Variants in CROCC observed in about 807,000 individuals in gnomAD.
CROCC encodes rootletin.
A neutral mutation model predicts 245.2 loss-of-function variants in CROCC; 180 were observed. The ratio of observed to expected loss-of-function variants is 0.73; its 90% CI spans 0.65 to 0.83. The LOEUF (loss-of-function observed/expected upper bound fraction) is 0.83. Ranked by LOEUF, CROCC falls within the 40% of genes least tolerant of loss-of-function variation. The pLI is 0.00. For missense variants in CROCC, 2,688 were observed against 2,779.4 expected, an observed-to-expected ratio of 0.97 and a Z score of 0.74; for synonymous variants, 1,205 against 1,241.6, an observed-to-expected ratio of 0.97 and a Z score of 0.62.
intron 20 of CROCC, among the ~76,000 whole-genome samples, chr1:16,952,855 C>T (rs1242116738): frequency 6.6e-6 from 1 of 152,224 alleles, no homozygotes; most frequent in Non-Finnish European, 1.5e-5. Context: ...TCCTTGTCAC[C>T]TTGGCTCGAG....
At chr1:16,955,219 C>G (rs2076229455) in intron 23 of CROCC, 93 bp from the exon 24 acceptor site, 1 of 1,246,254 alleles carries the variant, frequency 8.0e-7, no homozygotes. Flanking sequence ...AGGGATGGGG[C>G]AGGCTCCCTG....
intron 24 of CROCC, 101 bp from the exon 25 acceptor site, chr1:16,955,896 C>T (rs879495033): frequency 6.5e-5 from 91 of 1,405,120 alleles, no homozygotes; most frequent in Non-Finnish European, 8.7e-5. Context: ...CATGGGCAGG[C>T]AGTGCCTGAT....
At chr1:16,930,747 T>C (rs1365168746) in intron 7 of CROCC, among the ~76,000 whole-genome samples, 153 bp downstream of exon 7, 3 of 152,408 alleles carry the variant, frequency 2.0e-5, no homozygotes, top group Admixed American at 1.3e-4. Context: ...AGCTGGTCTT[T>C]ATCAGTGTGT....
intron 1 of CROCC, among the ~76,000 whole-genome samples, chr1:16,916,565 G>C (rs1557562528): frequency 6.6e-6 from 1 of 152,294 alleles, no homozygotes; most frequent in Non-Finnish European, 1.5e-5. Flanking sequence ...AGAGTGCAGT[G>C]ACACAACCAC....
upstream of CROCC, among the ~76,000 whole-genome samples, chr1:16,920,090 A>G (rs1239146810): frequency 8.0e-6 from 1 of 125,290 alleles, no homozygotes; most frequent in Non-Finnish European, 1.8e-5. Flanking sequence ...TTATTTATTT[A>G]TATTTTTGAG....
Position 16,971,644 on chromosome 1 carries a change from G to T in CROCC, c.5964G>T (p.Glu1988Asp). 16 of 1,489,096 alleles carry T rather than the reference G, an allele frequency of 1.1e-5. No homozygotes were observed. The highest frequency in any genetic ancestry group is 1.4e-5 in the Non-Finnish European group (16 of 1,118,788). The allele number at this position is 1,489,096 out of a possible 1,614,324, so 92.2% of individuals were successfully genotyped here. A position where few individuals can be genotyped will look rare whatever the true frequency, so the allele number is the denominator to read the frequency against. ...AHRQRVRGLE[E>D]QVSTLKGQLQ... ...GCCAGAGGGTGCGTGGGCTGGAGGA[G>T]CAGGTGTGCAGGCCCCCTTAGAAGG... The change falls in exon 36 of 37, where the codon GAG becomes GAT. Residue 1988 changes from glutamate to aspartate, a missense_variant. Transcript: ENST00000375541.
chr1:16,942,876 C>A (rs1264228335), intron 13 of CROCC, among the ~76,000 whole-genome samples: 25 of 152,240 alleles, frequency 1.6e-4, no homozygotes, highest in African/African-American at 6.0e-4. Context: ...GAGGCCAAGG[C>A]GGGTGGATCA....
At position 16,929,973 on chromosome 1, in the gene CROCC, A is replaced by G; in HGVS notation, c.479A>G (p.Gln160Arg). Residue 160 changes from glutamine to arginine, a missense_variant, in exon 4 of 37, where the codon CAG becomes CGG. Coordinates refer to ENST00000375541, the MANE Select transcript of CROCC (RefSeq NM_014675.5). Reference protein sequence around the residue: ...EEQASYRRKLQAYQEGQQRQA... With the variant: ...EEQASYRRKLRAYQEGQQRQA... ...CAGGCCTCCTACCGGCGCAAGCTGC[A>G]GGCCTACCAGGAGGGCCAGCAGCGG... The G allele has an allele frequency of 6.3e-7, 1 of 1,586,900 alleles. No homozygotes were observed. Among genetic ancestry groups the G allele is most frequent in the Non-Finnish European group, 8.5e-7 (1 of 1,170,034 alleles).
rs566823853 is a variant in CROCC, at chr1:16,932,681, C to T, written c.956+1284C>T. Among the ~76,000 whole-genome samples, 51 of 152,290 alleles carry T rather than the reference C, an allele frequency of 3.3e-4. No individual in the cohort carries two copies. In the South Asian group the frequency reaches 9.6e-3, roughly 29 times the overall value. On this transcript the variant is annotated intron_variant, in intron 8 of 36. Coordinates refer to ENST00000375541, the MANE Select transcript of CROCC (RefSeq NM_014675.5). ...CATGGAGGTGGGAGCCCATGGCAGC[C>T]AGGGGGGTTGCAATGAAGAGCTGGT...
At chr1:16,947,487 A>AATAATAATAATAATG (rs2076075956) in intron 17 of CROCC, among the ~76,000 whole-genome samples, 2 of 150,788 alleles carry the variant, frequency 1.3e-5, no homozygotes, top group African/African-American at 4.9e-5. Flanking sequence ...TAATAATAAT[A>AATAATAATAATAATG]ATAATAATAA....
chr1:16,961,223 T>A, intron 27 of CROCC, 93 bp downstream of exon 27: 2 of 1,207,260 alleles, frequency 1.7e-6, no homozygotes, highest in Non-Finnish European at 2.1e-6. Flanking sequence ...GTTTTTGTTT[T>A]TGTTTTTTTT....
intron 23 of CROCC, 77 bp from the exon 24 acceptor site, chr1:16,955,235 A>C: frequency 7.0e-7 from 1 of 1,437,858 alleles, no homozygotes; most frequent in Non-Finnish European, 9.6e-7. Context: ...CCCTGGGTCC[A>C]GGGATCTGGG....
rs12145053 is a variant in CROCC at position 16,969,847 on chromosome 1, C to T, written c.5364C>T (p.Gly1788=). 8.1e-6 allele frequency: 13 copies of T among 1,612,766 alleles called. No homozygotes were observed. The East Asian group carries it at 2.0e-4, about 25-fold the overall frequency. Residue 1788 remains glycine, a synonymous_variant, in exon 33 of 37, where the codon GGC becomes GGT. Transcript: ENST00000375541. ...CACGGAAGCAGAGCAGCTCCCTGGG[C>T]GAGCAGGTGCAGACGTTGCGAGGCG... is the stretch of plus-strand genomic sequence containing the variant. The part of the protein sequence containing the change: ...SEARKQSSSL[G]EQVQTLRGEV...
chr1:16,961,128 A>C lies in CROCC; in HGVS notation c.4403A>C (p.Glu1468Ala). The change falls in exon 27 of 37, where the codon GAA (glutamate) becomes GCA (alanine). Residue 1468 changes from glutamate (E) to alanine (A), a missense_variant and splice_region_variant. Coordinates refer to ENST00000375541, the MANE Select transcript of CROCC (RefSeq NM_014675.5). ...PGSPARDAPA[E>A]GSGEGLNSPS... ...TCCCCTGCCCGGGACGCACCCGCAG[A>C]AGGTAAGGGCAGTGCCGCGCGCAGG... 2 of 1,347,752 alleles carry C rather than the reference A, an allele frequency of 1.5e-6. No homozygotes were observed. Among genetic ancestry groups the C allele is most frequent in the African/African-American group, 1.5e-5 (1 of 65,124 alleles). The allele number at this position is 1,347,752 out of a possible 1,614,324, so 83.5% of individuals were successfully genotyped here.
At chr1:16,959,440 C>T (rs1033627158) in intron 26 of CROCC, among the ~76,000 whole-genome samples, 4 of 152,210 alleles carry the variant, frequency 2.6e-5, no homozygotes, top group Non-Finnish European at 4.4e-5. Context: ...CTGCCTTTTC[C>T]GGCTGTTTCA....
chr1:16,972,356 C>T lies in CROCC; in HGVS notation c.5968-4C>T. The T allele has an allele frequency of 6.2e-7, 1 of 1,613,542 alleles. No homozygotes were observed. Among genetic ancestry groups the T allele is most frequent in the Non-Finnish European group, 8.5e-7 (1 of 1,179,592 alleles). On this transcript the variant is annotated splice_polypyrimidine_tract_variant and splice_region_variant and intron_variant, in intron 36 of 36. Transcript: ENST00000375541. ...GCTGGCCTTACCTTCCCTTTCTTCC[C>T]CAGGTGTCCACACTGAAGGGCCAGC...
chr1:16,949,238 G>A (rs188923653), intron 19 of CROCC, among the ~76,000 whole-genome samples: 9 of 152,344 alleles, frequency 5.9e-5, no homozygotes, highest in Admixed American at 2.0e-4. Context: ...GCCGTTCATC[G>A]GTCATCAGGC....
chr1:16,965,716 C>G lies in CROCC; in HGVS notation c.4406-7C>G, dbSNP rs1184807926. 1.3e-6 allele frequency: 2 copies of G among 1,596,888 alleles called. No individual in the cohort carries two copies. The highest frequency in any genetic ancestry group is 1.3e-5 in the African/African-American group (1 of 74,598). On this transcript the variant is annotated splice_polypyrimidine_tract_variant and splice_region_variant and intron_variant, in intron 27 of 36. Transcript: ENST00000375541. ...GCATCACTGAGCAAGTCTTCTTTCT[C>G]TTCTAGGAAGCGGGGAAGGGCTCAA...
In CROCC at chr1:16,970,665, G is replaced by A. The variant is rs768369318; in HGVS notation, c.5682G>A (p.Glu1894=). ...KVEREKLRSH[E]DTVRLSAEKG... Reference sequence around the variant, plus strand: ...AGCGGGAGAAGCTTCGTAGCCATGAGGACACAGTGCGGCTGAGCGCAGAGA... The same window carrying A: ...AGCGGGAGAAGCTTCGTAGCCATGAAGACACAGTGCGGCTGAGCGCAGAGA... Residue 1894 remains glutamate (E), a synonymous_variant, in exon 35 of 37, where the codon GAG becomes GAA. Transcript: ENST00000375541. 3.2e-6 allele frequency: 5 copies of A among 1,581,748 alleles called. No individual in the cohort carries two copies. Among genetic ancestry groups the A allele is most frequent in the Non-Finnish European group, 3.4e-6 (4 of 1,163,682 alleles).
Sources: gnomAD v4.1 joint callset for allele counts (sites outside exome capture counted in the v4.1 genomes callset) on GRCh38, gnomAD v4.1.1 for gene constraint, MANE v1.5 for transcripts, NCBI Gene and HGNC (gene_info 2026-07-23, HGNC 2026-07-21) for gene names.